Variants in GALNT13 observed in about 807,000 individuals in gnomAD.
GALNT13 encodes the protein polypeptide N-acetylgalactosaminyltransferase 13.
Under a neutral mutation model 64.2 loss-of-function variants are expected in GALNT13, and 28 were observed. The observed-to-expected ratio is 0.44, with a 90% CI of 0.32 to 0.60. The LOEUF is 0.60. Among genes scored for constraint, GALNT13 ranks in the 20% least tolerant of loss-of-function variants. The probability of loss-of-function intolerance (pLI) is 0.05; values close to 1 mark genes in which losing one functional copy is unlikely to be tolerated. For missense variants in GALNT13, 577 were observed against 669.8 expected (o/e 0.86, Z 1.53); for synonymous variants, 214 against 224.6 (o/e 0.95, Z 0.42).
At chr2:153,100,998 CAG>C in the GALNT13 span, among the ~76,000 whole-genome samples, 2 of 151,856 alleles carry the variant, frequency 1.3e-5, no homozygotes, top group African/African-American at 2.4e-5. Flanking sequence ...CACTGTGTGA[CAG>C]TGTGAGACTC....
chr2:153,211,297 C>A, the GALNT13 span, among the ~76,000 whole-genome samples: 1 of 151,994 alleles, frequency 6.6e-6, no homozygotes, highest in African/African-American at 2.4e-5. Context: ...CATGCACCAC[C>A]ATGCCCAACT....
At chr2:153,839,197 C>T in the GALNT13 span, among the ~76,000 whole-genome samples, 1 of 151,780 alleles carries the variant, frequency 6.6e-6, no homozygotes, top group African/African-American at 2.4e-5. Flanking sequence ...ATATAAAAAT[C>T]ATGTCATGAG....
chr2:153,146,435 G>C, the GALNT13 span, among the ~76,000 whole-genome samples: 1 of 151,828 alleles, frequency 6.6e-6, no homozygotes, highest in Non-Finnish European at 1.5e-5. Context: ...CTTGTCCTAA[G>C]AGCCCCGAAA....
the GALNT13 span, among the ~76,000 whole-genome samples, chr2:153,161,759 T>C: frequency 6.6e-6 from 1 of 151,910 alleles, no homozygotes; most frequent in Non-Finnish European, 1.5e-5. Context: ...TTTTGTAGAG[T>C]CTTGTAAGCC....
chr2:153,846,406 C>G, the GALNT13 span, among the ~76,000 whole-genome samples: 1 of 151,968 alleles, frequency 6.6e-6, no homozygotes, highest in Non-Finnish European at 1.5e-5. Context: ...TAGGTATTCA[C>G]TAAGAAATAT....
the GALNT13 span, among the ~76,000 whole-genome samples, chr2:153,528,151 A>T: frequency 4.6e-5 from 7 of 151,944 alleles, no homozygotes; most frequent in African/African-American, 7.2e-5. Flanking sequence ...CATTAAAAAA[A>T]CAAGATCATT....
At chr2:153,271,476 A>T in the GALNT13 span, among the ~76,000 whole-genome samples, 2 of 152,194 alleles carry the variant, frequency 1.3e-5, no homozygotes, top group Non-Finnish European at 2.9e-5. Context: ...TACACCAATA[A>T]TAGGCAGAGA....
Position 154,301,609 on chromosome 2 carries a change from T to C in GALNT13, c.1156+20T>C. The C allele has an allele frequency of 1.3e-6, 2 of 1,546,240 alleles. No individual in the cohort carries two copies. Among genetic ancestry groups the C allele is most frequent in the Non-Finnish European group, 1.8e-6 (2 of 1,122,096 alleles). The stretch of plus-strand genomic sequence containing the variant: ...CCCCAGGTACACAATTCTGACATTT[T>C]TCTTTCTCTACAGGAGAAAATAAAA... On this transcript the variant is annotated intron_variant, in intron 9 of 12. Transcript: ENST00000392825.
chr2:153,158,748 A>G, the GALNT13 span, among the ~76,000 whole-genome samples: 2 of 152,228 alleles, frequency 1.3e-5, no homozygotes, highest in African/African-American at 2.4e-5. Context: ...GCTCCAATGA[A>G]CTATCTACAA....
chr2:153,912,408 T>C (rs1689008314), intron 2 of GALNT13, among the ~76,000 whole-genome samples: 1 of 152,192 alleles, frequency 6.6e-6, no homozygotes, highest in African/African-American at 2.4e-5. Flanking sequence ...TTTCTGTCAT[T>C]TCAGCCATCT....
the GALNT13 span, among the ~76,000 whole-genome samples, chr2:153,324,670 T>C: frequency 2.0e-5 from 3 of 152,224 alleles, no homozygotes; most frequent in African/African-American, 4.8e-5. Flanking sequence ...ATACCTACTT[T>C]ATTGAGTGTT....
At chr2:153,692,167 A>T in the GALNT13 span, among the ~76,000 whole-genome samples, 2 of 152,294 alleles carry the variant, frequency 1.3e-5, no homozygotes, top group East Asian at 3.9e-4. Context: ...TTTGGTATAA[A>T]TTATATAAAC....
chr2:154,279,485 A>G (rs1442525190), intron 8 of GALNT13, among the ~76,000 whole-genome samples: 2 of 152,184 alleles, frequency 1.3e-5, no homozygotes, highest in Admixed American at 6.5e-5. Flanking sequence ...TAGAATTTAT[A>G]TGGAGCTTGA....
the GALNT13 span, among the ~76,000 whole-genome samples, chr2:153,671,243 T>C: frequency 6.6e-6 from 1 of 152,096 alleles, no homozygotes; most frequent in Admixed American, 6.5e-5. Context: ...CCAAGACACA[T>C]GATCGTTAGC....
chr2:153,372,929 G>A, the GALNT13 span, among the ~76,000 whole-genome samples: 10 of 152,176 alleles, frequency 6.6e-5, no homozygotes, highest in South Asian at 1.7e-3. Flanking sequence ...TATGGACATC[G>A]TTCATTGACT....
intron 8 of GALNT13, among the ~76,000 whole-genome samples, chr2:154,272,602 G>T (rs2105924892): frequency 6.6e-6 from 1 of 152,184 alleles, no homozygotes; most frequent in South Asian, 2.1e-4. Flanking sequence ...TATGAAGAAT[G>T]TTAATGTGCT....
At chr2:153,929,376 G>A (rs756714060) in intron 2 of GALNT13, among the ~76,000 whole-genome samples, 3 of 152,180 alleles carry the variant, frequency 2.0e-5, no homozygotes, top group East Asian at 3.9e-4. Flanking sequence ...GTTTACGGGG[G>A]CAGGTGGAGG....
intron 3 of GALNT13, among the ~76,000 whole-genome samples, chr2:154,038,411 A>C (rs1168902568): frequency 6.6e-6 from 1 of 152,172 alleles, no homozygotes; most frequent in African/African-American, 2.4e-5. Flanking sequence ...TTGGTATAAA[A>C]ACAGACACAT....
intron 1 of GALNT13, among the ~76,000 whole-genome samples, 193 bp downstream of exon 1, chr2:153,872,496 G>A (rs916898500): frequency 6.6e-6 from 1 of 152,002 alleles, no homozygotes; most frequent in Admixed American, 6.5e-5. Context: ...GGCCTCCCGG[G>A]AGCTCCGAGT....
Sources: gnomAD v4.1 joint callset for allele counts (sites outside exome capture counted in the v4.1 genomes callset) on GRCh38, gnomAD v4.1.1 for gene constraint, MANE v1.5 for transcripts, NCBI Gene and HGNC (gene_info 2026-07-23, HGNC 2026-07-21) for gene names.